Variants in FAM184B observed in about 807,000 individuals in gnomAD.
FAM184B encodes family with sequence similarity 184 member B, also known as protein FAM184B.
FAM184B carries 111 observed loss-of-function variants against 135.9 expected under a neutral mutation model. The observed-to-expected ratio is 0.82, with a 90% CI of 0.70 to 0.96. The LOEUF (loss-of-function observed/expected upper bound fraction) is 0.96, where lower values mean the gene tolerates loss of function less well. Among genes scored for constraint, FAM184B ranks in the 40% least tolerant of loss-of-function variants. FAM184B has a pLI of 0.00. For synonymous variants in FAM184B, 552 were observed against 524.8 expected, an observed-to-expected ratio of 1.05 and a Z score of -0.71; for missense variants, 1,375 against 1,323.9, an observed-to-expected ratio of 1.04 and a Z score of -0.60.
At chr4:17,768,277 C>A (rs1227721866) in intron 1 of FAM184B, among the ~76,000 whole-genome samples, 1 of 152,086 alleles carries the variant, frequency 6.6e-6, no homozygotes, top group African/African-American at 2.4e-5. Flanking sequence ...TTTTCTGAAC[C>A]CCACCCCCCC....
At chr4:17,664,694 A>C (rs1327775877) in intron 7 of FAM184B, 35 bp from the exon 8 acceptor site, 1 of 1,372,112 alleles carries the variant, frequency 7.3e-7, no homozygotes, top group Non-Finnish European at 9.9e-7. Context: ...AAAAAAAAAA[A>C]GGCAAGATGA....
rs1379595314 is a variant in FAM184B, at chr4:17,631,260, CA to C, written c.*1271del. On this transcript the variant is annotated 3_prime_UTR_variant, in exon 18 of 18. Transcript: ENST00000265018. ...AGAGATGGGATCTCACTATCTTGCC[CA>C]GGCTGGTCTCGAACTCTTGGGCTCA... 6.6e-6 allele frequency: 1 copy of C among 152,126 alleles called. No individual in the cohort carries two copies. 9.4% of individuals were successfully genotyped at this position (152,126 alleles called of 1,614,324 possible).
At chr4:17,758,086 T>A (rs1232159293) in intron 1 of FAM184B, among the ~76,000 whole-genome samples, 3 of 152,334 alleles carry the variant, frequency 2.0e-5, no homozygotes, top group East Asian at 3.9e-4. Flanking sequence ...GCTCAGCTAC[T>A]AACTAGCTGT....
At chr4:17,744,419 C>T (rs1718111500) in intron 1 of FAM184B, among the ~76,000 whole-genome samples, 1 of 151,292 alleles carries the variant, frequency 6.6e-6, no homozygotes, top group Non-Finnish European at 1.5e-5. Context: ...GGGGCTGGGA[C>T]TAGGATTCAA....
At chr4:17,720,942 A>C (rs1717510169) in intron 1 of FAM184B, among the ~76,000 whole-genome samples, 1 of 151,868 alleles carries the variant, frequency 6.6e-6, no homozygotes, top group Non-Finnish European at 1.5e-5. Flanking sequence ...TTAAACATAG[A>C]ATTTCATATG....
At position 17,654,955 on chromosome 4, in the gene FAM184B, C is replaced by T. The variant is rs557948453; in HGVS notation, c.2038-1972G>A. On this transcript the variant is annotated intron_variant, in intron 10 of 17. Coordinates refer to ENST00000265018, the MANE Select transcript of FAM184B (RefSeq NM_015688.2). ...CAGCCTTGACCTCCTGGGCCCAAGT[C>T]ATCCTCCCATCTCAGCGTCTTGAGT... 7.9e-5 allele frequency among the ~76,000 whole-genome samples: 12 copies of T among 152,270 alleles called. 1 individual carries two copies. The highest frequency in any genetic ancestry group is 2.0e-4 in the Admixed American group (3 of 15,290).
chr4:17,642,289 G>T (rs754995152), intron 12 of FAM184B, 61 bp from the exon 13 acceptor site: 8 of 1,405,600 alleles, frequency 5.7e-6, no homozygotes, highest in Non-Finnish European at 7.4e-6. Flanking sequence ...AGGCAGAAAG[G>T]GCCAGAGATG....
chr4:17,690,165 A>G (rs1417172919), intron 6 of FAM184B, among the ~76,000 whole-genome samples: 1 of 152,000 alleles, frequency 6.6e-6, no homozygotes, highest in Admixed American at 6.5e-5. Context: ...AAAAAAAAAG[A>G]ATTTACAACA....
At chr4:17,636,883 G>A (rs1351756151) in intron 14 of FAM184B, among the ~76,000 whole-genome samples, 2 of 152,184 alleles carry the variant, frequency 1.3e-5, no homozygotes, top group Non-Finnish European at 2.9e-5. Context: ...TGTGCACATA[G>A]ATGCTGCACT....
At chr4:17,680,346 T>C (rs1716406810) in intron 7 of FAM184B, among the ~76,000 whole-genome samples, 1 of 152,172 alleles carries the variant, frequency 6.6e-6, no homozygotes, top group South Asian at 2.1e-4. Flanking sequence ...ACTAAATATA[T>C]AATAGTTCTC....
At chr4:17,649,100 A>G (rs757552846) in intron 11 of FAM184B, among the ~76,000 whole-genome samples, 1 of 152,242 alleles carries the variant, frequency 6.6e-6, no homozygotes, top group Non-Finnish European at 1.5e-5. Flanking sequence ...ATAAGCACCT[A>G]GCACAGGTTT....
At chr4:17,652,521 A>G (rs1715649577) in intron 11 of FAM184B, among the ~76,000 whole-genome samples, 1 of 152,228 alleles carries the variant, frequency 6.6e-6, no homozygotes, top group African/African-American at 2.4e-5. Context: ...ACTCACAGTA[A>G]GCCATCCCAG....
intron 2 of FAM184B, among the ~76,000 whole-genome samples, chr4:17,708,663 C>CTGTATATATA (rs1717169228): frequency 5.9e-5 from 1 of 16,978 alleles, no homozygotes; most frequent in Non-Finnish European, 1.0e-4. Flanking sequence ...GGAAACAAAA[C>CTGTATATATA]TATATATATA....
intron 1 of FAM184B, among the ~76,000 whole-genome samples, chr4:17,769,045 C>T (rs918713060): frequency 3.3e-5 from 5 of 151,352 alleles, no homozygotes; most frequent in Non-Finnish European, 5.9e-5. Context: ...TCAGGTGATC[C>T]ACCCGCCTTG....
intron 1 of FAM184B, among the ~76,000 whole-genome samples, chr4:17,718,378 A>G (rs544919390): frequency 6.6e-6 from 1 of 152,326 alleles, no homozygotes; most frequent in East Asian, 1.9e-4. Context: ...CTTTTACTCA[A>G]TGTTTTTGCA....
intron 1 of FAM184B, among the ~76,000 whole-genome samples, chr4:17,716,431 C>A (rs1417103051): frequency 3.9e-5 from 6 of 152,240 alleles, no homozygotes; most frequent in Admixed American, 1.3e-4. Context: ...CAACCTTGAC[C>A]TCCTGGGCTC....
intron 1 of FAM184B, among the ~76,000 whole-genome samples, chr4:17,750,087 T>C (rs1052563000): frequency 6.6e-6 from 1 of 152,216 alleles, no homozygotes; most frequent in African/African-American, 2.4e-5. Context: ...CTATTTTGGA[T>C]TTTTCCCTTA....
At chr4:17,649,360 G>A (rs1053340915) in intron 11 of FAM184B, among the ~76,000 whole-genome samples, 1 of 152,084 alleles carries the variant, frequency 6.6e-6, no homozygotes, top group African/African-American at 2.4e-5. Context: ...CGACGTGGGT[G>A]GATCACGAGG....
intron 10 of FAM184B, 113 bp from the exon 11 acceptor site, chr4:17,653,096 A>G: frequency 9.8e-7 from 1 of 1,017,040 alleles, no homozygotes; most frequent in Non-Finnish European, 1.5e-6. Flanking sequence ...GCACTCTCCC[A>G]TGGAGGGCTT....
Sources: allele counts gnomAD v4.1 joint callset (sites outside exome capture counted in the v4.1 genomes callset), GRCh38; gene constraint gnomAD v4.1.1; transcripts MANE v1.5; gene names NCBI Gene and HGNC (gene_info 2026-07-23, HGNC 2026-07-21).